The following THSD4 variants were observed in gnomAD, a reference collection of about 807,000 sequenced individuals.
THSD4 encodes the protein thrombospondin type 1 domain containing 4.
A neutral mutation model predicts 119.0 loss-of-function variants in THSD4; 69 were observed. The ratio of observed to expected loss-of-function variants is 0.58; its 90% CI spans 0.48 to 0.71. The LOEUF (loss-of-function observed/expected upper bound fraction) is 0.71, where lower values mean the gene tolerates loss of function less well. Among genes scored for constraint, THSD4 ranks in the 30% least tolerant of loss-of-function variants. The pLI is 0.00. For synonymous variants in THSD4, 524 were observed against 540.4 expected (o/e 0.97, Z 0.42); for missense variants, 1,393 against 1,391.1 (o/e 1.00, Z -0.02).
rs113609573 is a variant in THSD4 at position 71,149,992 on chromosome 15, CT to C, written c.30-4860del. Among the ~76,000 whole-genome samples the C allele has an allele frequency of 2.6e-3, 378 of 147,122 alleles. 2 individuals carry two copies. Among genetic ancestry groups the C allele is most frequent in the African/African-American group, 6.8e-3 (275 of 40,440 alleles). ...GAACAGCACTGGGTAGATGGCATAA[CT>C]TTTTTTTTTTGTTTGGTGTGAAATG... On this transcript the variant is annotated intron_variant, in intron 2 of 17. Coordinates refer to ENST00000261862, the MANE Select transcript of THSD4 (RefSeq NM_024817.3).
At chr15:71,226,730 C>T (rs987037971) in intron 4 of THSD4, among the ~76,000 whole-genome samples, 1 of 152,180 alleles carries the variant, frequency 6.6e-6, no homozygotes, top group Non-Finnish European at 1.5e-5. Flanking sequence ...AGTCAATACC[C>T]AGGGAGTCTT....
intron 3 of THSD4, among the ~76,000 whole-genome samples, chr15:71,204,206 C>T (rs905670533): frequency 3.9e-5 from 6 of 152,192 alleles, no homozygotes; most frequent in African/African-American, 7.2e-5. Flanking sequence ...CTAGTTATAA[C>T]GAAGTACAGT....
At chr15:71,436,282 G>A (rs1445305831) in intron 7 of THSD4, among the ~76,000 whole-genome samples, 1 of 151,918 alleles carries the variant, frequency 6.6e-6, no homozygotes, top group Admixed American at 6.6e-5. Context: ...AAACAAAACA[G>A]GAAGACAAAG....
chr15:71,318,936 G>T (rs1275742153), intron 6 of THSD4, among the ~76,000 whole-genome samples: 1 of 152,064 alleles, frequency 6.6e-6, no homozygotes, highest in Non-Finnish European at 1.5e-5. Context: ...GTTTAGCTTT[G>T]GATAATTTGT....
At chr15:71,721,309 C>G (rs182735962) in intron 8 of THSD4, among the ~76,000 whole-genome samples, 1 of 152,216 alleles carries the variant, frequency 6.6e-6, no homozygotes, top group East Asian at 1.9e-4. Flanking sequence ...GAGATCGAGA[C>G]CATCCTGGCC....
Position 71,731,106 on chromosome 15 carries a change from T to C in THSD4, c.1534-15T>C. On this transcript the variant is annotated splice_polypyrimidine_tract_variant and intron_variant, in intron 9 of 17. Transcript: ENST00000261862. ...TACGTGCCAAGTGCGGTAACACTGA[T>C]TTTTGTGTCAGCAGATGATACACCA... is the stretch of plus-strand genomic sequence containing the variant. 1 of 1,613,820 alleles carries C rather than the reference T, an allele frequency of 6.2e-7. No individual in the cohort carries two copies. The highest frequency in any genetic ancestry group is 8.5e-7 in the Non-Finnish European group (1 of 1,179,778).
chr15:71,760,147 C>CGGTATT (rs1341440888), intron 15 of THSD4, among the ~76,000 whole-genome samples: 86 of 152,324 alleles, frequency 5.6e-4, no homozygotes, highest in African/African-American at 2.0e-3. Context: ...AGCCTGGTCA[C>CGGTATT]AGTGATTAGT....
At chr15:71,396,211 A>G (rs2046453071) in intron 6 of THSD4, among the ~76,000 whole-genome samples, 1 of 152,002 alleles carries the variant, frequency 6.6e-6, no homozygotes, top group Non-Finnish European at 1.5e-5. Flanking sequence ...ATACTCTGAT[A>G]CACCCACATA....
At chr15:71,284,123 G>T (rs2140317206) in intron 6 of THSD4, among the ~76,000 whole-genome samples, 1 of 152,276 alleles carries the variant, frequency 6.6e-6, no homozygotes, top group South Asian at 2.1e-4. Flanking sequence ...GCCCCAAGTA[G>T]TACAAAGAAA....
At chr15:71,536,590 T>A (rs929190792) in intron 7 of THSD4, among the ~76,000 whole-genome samples, 1 of 152,218 alleles carries the variant, frequency 6.6e-6, no homozygotes, top group Non-Finnish European at 1.5e-5. Flanking sequence ...TTTATTTGTT[T>A]AATGGACAAG....
At chr15:71,150,911 C>T (rs2040715756) in intron 2 of THSD4, among the ~76,000 whole-genome samples, 1 of 152,162 alleles carries the variant, frequency 6.6e-6, no homozygotes, top group African/African-American at 2.4e-5. Flanking sequence ...GTGAATTAAG[C>T]TCCTACTATA....
chr15:71,180,215 A>G (rs536444236), intron 3 of THSD4, among the ~76,000 whole-genome samples: 11 of 152,210 alleles, frequency 7.2e-5, no homozygotes, highest in Admixed American at 7.2e-4. Context: ...AAGGCAACCC[A>G]CAGAACGGGA....
chr15:71,442,658 G>GTGTGTGTGTGTATGTA (rs1403001889), intron 7 of THSD4, among the ~76,000 whole-genome samples: 1 of 31,342 alleles, frequency 3.2e-5, no homozygotes, highest in Admixed American at 4.1e-4. Context: ...GTGTGTGTGT[G>GTGTGTGTGTGTATGTA]TGTATATATA....
At chr15:71,532,438 G>A (rs369301635) in intron 7 of THSD4, among the ~76,000 whole-genome samples, 94 of 151,784 alleles carry the variant, frequency 6.2e-4, no homozygotes, top group Admixed American at 2.3e-3. Flanking sequence ...AGCCTCCTGA[G>A]TAGCTAGGAT....
At chr15:71,189,329 T>C (rs1053800026) in intron 3 of THSD4, among the ~76,000 whole-genome samples, 39 of 152,202 alleles carry the variant, frequency 2.6e-4, no homozygotes, top group Non-Finnish European at 8.8e-5. Context: ...GTCAGTGGTA[T>C]TCAAGCCTGA....
intron 7 of THSD4, among the ~76,000 whole-genome samples, chr15:71,633,935 C>T (rs968156584): frequency 1.3e-5 from 2 of 152,110 alleles, no homozygotes; most frequent in African/African-American, 4.8e-5. Flanking sequence ...GCCTGTAATC[C>T]CAGTACTTTG....
chr15:71,234,716 C>T (rs918391641), intron 4 of THSD4, among the ~76,000 whole-genome samples: 8 of 152,224 alleles, frequency 5.3e-5, no homozygotes, highest in Admixed American at 2.0e-4. Context: ...TGGCTCTTGA[C>T]GGATAAAGCT....
At chr15:71,484,300 C>CT (rs2047780751) in intron 7 of THSD4, among the ~76,000 whole-genome samples, 1 of 152,196 alleles carries the variant, frequency 6.6e-6, no homozygotes, top group African/African-American at 2.4e-5. Context: ...TCTAAATTAG[C>CT]TTTTAGAAGG....
At chr15:71,375,530 C>T (rs1314807296) in intron 6 of THSD4, among the ~76,000 whole-genome samples, 1 of 152,130 alleles carries the variant, frequency 6.6e-6, no homozygotes, top group Non-Finnish European at 1.5e-5. Context: ...AGGGACTTTG[C>T]CTGTCTGTGT....
Sources: gnomAD v4.1 joint callset for allele counts (sites outside exome capture counted in the v4.1 genomes callset) on GRCh38, gnomAD v4.1.1 for gene constraint, MANE v1.5 for transcripts, NCBI Gene and HGNC (gene_info 2026-07-23, HGNC 2026-07-21) for gene names.